The following CCDC149 variants were observed in gnomAD, a reference collection of about 807,000 sequenced individuals.
The protein encoded by CCDC149 is coiled-coil domain containing 149.
Under a neutral mutation model 59.9 loss-of-function variants are expected in CCDC149, and 45 were observed. The ratio of observed to expected loss-of-function variants is 0.75; its 90% CI spans 0.59 to 0.96. CCDC149 has a LOEUF of 0.96. Ranked by LOEUF, CCDC149 falls within the 40% of genes least tolerant of loss-of-function variation. CCDC149 has a pLI of 0.00. For missense variants in CCDC149, 584 were observed against 664.7 expected, an observed-to-expected ratio of 0.88 and a Z score of 1.33; for synonymous variants, 245 against 260.6, an observed-to-expected ratio of 0.94 and a Z score of 0.58.
upstream of CCDC149, among the ~76,000 whole-genome samples, chr4:24,915,751 C>T (rs929843050): frequency 6.6e-6 from 1 of 152,212 alleles, no homozygotes; most frequent in Non-Finnish European, 1.5e-5. Context: ...CCAGCTCAAA[C>T]CTGCTTCGCT....
intron 1 of CCDC149, among the ~76,000 whole-genome samples, chr4:24,957,456 G>A (rs1052970497): frequency 2.0e-5 from 3 of 152,214 alleles, no homozygotes; most frequent in African/African-American, 7.2e-5. Flanking sequence ...ATATGAAGGT[G>A]TTGGCCTAAA....
intron 1 of CCDC149, among the ~76,000 whole-genome samples, chr4:24,969,204 G>A (rs376972752): frequency 9.9e-5 from 15 of 152,214 alleles, no homozygotes; most frequent in Admixed American, 9.2e-4. Flanking sequence ...CACAAGTAAC[G>A]ATAGGGTGAG....
chr4:24,869,257 C>T (rs800377), intron 3 of CCDC149, among the ~76,000 whole-genome samples: 132,339 of 152,218 alleles, frequency 0.87, 57,558 homozygotes, highest in South Asian at 0.91. Context: ...AGCCTTCTTC[C>T]AGCGGCCAAA....
chr4:24,830,171 G>A (rs1716045741), intron 9 of CCDC149: 1 of 152,652 alleles, frequency 6.6e-6, no homozygotes. Context: ...AGTGAATGAG[G>A]AACTGTGGTG....
At chr4:24,872,958 TGAATGGTATGCACCCGCA>T (rs60513383) in intron 3 of CCDC149, among the ~76,000 whole-genome samples, 41,520 of 146,970 alleles carry the variant, frequency 0.28, 5,774 homozygotes, top group Admixed American at 0.33. Flanking sequence ...TATGACCCAC[TGAATGGTATGCACCCGCA>T]GAATGGTATG....
At chr4:24,902,078 G>T (rs1175871746) in intron 1 of CCDC149, among the ~76,000 whole-genome samples, 1 of 152,228 alleles carries the variant, frequency 6.6e-6, no homozygotes, top group African/African-American at 2.4e-5. Flanking sequence ...TTTGGGTCCA[G>T]TGGAGAGACA....
chr4:24,895,205 T>TGGG (rs1720773122), intron 1 of CCDC149: 1 of 641,742 alleles, frequency 1.6e-6, no homozygotes, highest in Non-Finnish European at 2.8e-6. Flanking sequence ...GAGGGATATC[T>TGGG]TGGCTCAGAA....
intron 3 of CCDC149, among the ~76,000 whole-genome samples, chr4:24,867,817 C>T (rs966838491): frequency 3.9e-5 from 6 of 152,206 alleles, no homozygotes; most frequent in African/African-American, 7.2e-5. Context: ...CCTTCTGAAA[C>T]AAACAGGAGA....
At chr4:24,885,617 G>A (rs1720122822) in intron 1 of CCDC149, among the ~76,000 whole-genome samples, 1 of 152,174 alleles carries the variant, frequency 6.6e-6, no homozygotes, top group African/African-American at 2.4e-5. Context: ...ACTCCAAAGG[G>A]CCAAGTTGAG....
chr4:24,976,176 T>C (rs1724185584), intron 1 of CCDC149, among the ~76,000 whole-genome samples: 1 of 152,214 alleles, frequency 6.6e-6, no homozygotes, highest in Admixed American at 6.5e-5. Context: ...AGTTTAATTC[T>C]TTTTAAGAGT....
chr4:24,840,550 T>C (rs1716871824), intron 4 of CCDC149, among the ~76,000 whole-genome samples: 1 of 152,254 alleles, frequency 6.6e-6, no homozygotes, highest in Admixed American at 6.5e-5. Flanking sequence ...TGCCTTCTTG[T>C]TTCAGCCCTT....
rs1356399034 is a variant in CCDC149, at chr4:24,837,570, G to A, written c.490-170C>T. Among the ~76,000 whole-genome samples the A allele has an allele frequency of 6.6e-6, 1 of 152,202 alleles. No homozygotes were observed. The highest frequency in any genetic ancestry group is 1.5e-5 in the Non-Finnish European group (1 of 68,028). On this transcript the variant is annotated intron_variant, in intron 5 of 12. Coordinates refer to ENST00000635206, the MANE Select transcript of CCDC149 (RefSeq NM_001330643.2). The surrounding 1 kb of genome is among the most constrained non-coding windows in gnomAD (Gnocchi z 4.3). ...CTGAAATACAATAACAGCTAAAAGCGAGGGATGACTTCCTGCCAGACATTC... is the reference window on the plus strand; with the variant it reads ...CTGAAATACAATAACAGCTAAAAGCAAGGGATGACTTCCTGCCAGACATTC...
intron 1 of CCDC149, among the ~76,000 whole-genome samples, chr4:24,927,163 G>C (rs925313841): frequency 6.6e-6 from 1 of 152,188 alleles, no homozygotes; most frequent in Non-Finnish European, 1.5e-5. Context: ...TGAGATGTGA[G>C]GTTCTTGCAG....
intron 1 of CCDC149, among the ~76,000 whole-genome samples, chr4:24,934,864 A>G (rs996746277): frequency 1.1e-4 from 17 of 152,260 alleles, no homozygotes; most frequent in African/African-American, 3.9e-4. Flanking sequence ...TGAGAATACG[A>G]TAAGTAAACA....
At chr4:24,919,706 T>G (rs1200494150) in intron 1 of CCDC149, among the ~76,000 whole-genome samples, 1 of 152,126 alleles carries the variant, frequency 6.6e-6, no homozygotes, top group East Asian at 1.9e-4. Flanking sequence ...AAGGGAGCAG[T>G]GGGTTGGAAC....
intron 1 of CCDC149, among the ~76,000 whole-genome samples, chr4:24,943,493 G>T (rs1723010062): frequency 6.6e-6 from 1 of 152,060 alleles, no homozygotes; most frequent in African/African-American, 2.4e-5. Context: ...TACCATTCAG[G>T]ACATAGGCAT....
chr4:24,869,700 C>T (rs1406354989), intron 3 of CCDC149, among the ~76,000 whole-genome samples: 3 of 152,232 alleles, frequency 2.0e-5, no homozygotes, highest in African/African-American at 7.2e-5. Context: ...AGGCACCATA[C>T]TGAGGCCTCT....
At chr4:24,810,750 C>T (rs1335777744) in intron 12 of CCDC149, among the ~76,000 whole-genome samples, 1 of 152,186 alleles carries the variant, frequency 6.6e-6, no homozygotes, top group African/African-American at 2.4e-5. Context: ...ACGATTCACA[C>T]CATCACTCAA....
At chr4:24,901,483 GA>G (rs1197468704) in intron 1 of CCDC149, among the ~76,000 whole-genome samples, 1 of 152,138 alleles carries the variant, frequency 6.6e-6, no homozygotes, top group Non-Finnish European at 1.5e-5. Context: ...AATAAGTGTA[GA>G]AATTGTCAAT....
Sources: allele counts gnomAD v4.1 joint callset (sites outside exome capture counted in the v4.1 genomes callset), GRCh38; gene constraint gnomAD v4.1.1; non-coding constraint Gnocchi (gnomAD v3.1); transcripts MANE v1.5; gene names NCBI Gene and HGNC (gene_info 2026-07-23, HGNC 2026-07-21).